Variants in GSE1 observed in about 807,000 individuals in gnomAD.
The protein encoded by GSE1 is Gse1 coiled-coil protein, also known as genetic suppressor element 1.
In GSE1, 32 loss-of-function variants were observed where a neutral mutation model predicts 112.6. The observed-to-expected ratio is 0.28, with a 90% CI of 0.21 to 0.38. The LOEUF is 0.38. Ranked by LOEUF, GSE1 falls within the 10% of genes least tolerant of loss-of-function variation. The pLI is 1.00. For synonymous variants in GSE1, 1,115 were observed against 735.6 expected (o/e 1.52, Z -8.35); for missense variants, 2,348 against 1,699.2 (o/e 1.38, Z -6.71).
chr16:85,656,142 G>T (rs765265994), intron 6 of GSE1, among the ~76,000 whole-genome samples: 1 of 152,144 alleles, frequency 6.6e-6, no homozygotes, highest in East Asian at 1.9e-4. Context: ...AGGAGCTCTC[G>T]GGCGTGCTTG....
At chr16:85,264,345 T>G (rs1413461436) in intron 1 of GSE1, among the ~76,000 whole-genome samples, 2 of 152,098 alleles carry the variant, frequency 1.3e-5, no homozygotes, top group African/African-American at 4.8e-5. Context: ...TCAGATGGGC[T>G]TGGGGGACCG....
chr16:85,253,154 G>A (rs1333649752), intron 1 of GSE1, among the ~76,000 whole-genome samples: 3 of 149,164 alleles, frequency 2.0e-5, no homozygotes, highest in African/African-American at 4.9e-5. Context: ...TATGCCACGC[G>A]GGAATGAGCT....
Position 85,362,191 on chromosome 16 carries a change from C to T in GSE1, c.2464+4548C>T, listed in dbSNP as rs928526839. On this transcript the variant is annotated intron_variant, in intron 2 of 2. Transcript: ENST00000637419. ...TCAGCTGCCGGGAGAAGGGTGCAAC[C>T]GAAACCTTGTGATGGATGTCCTTCC... Among the ~76,000 whole-genome samples, 10 of 152,214 alleles carry T rather than the reference C, an allele frequency of 6.6e-5. No individual in the cohort carries two copies. In the East Asian group the frequency reaches 1.2e-3, roughly 18 times the overall value.
chr16:85,582,982 G>A (rs1412163979), intron 1 of GSE1, among the ~76,000 whole-genome samples: 1 of 152,208 alleles, frequency 6.6e-6, no homozygotes, highest in East Asian at 1.9e-4. Flanking sequence ...AGCCACACAT[G>A]CGTGCTTGAG....
intron 1 of GSE1, among the ~76,000 whole-genome samples, chr16:85,174,336 A>G (rs2074417652): frequency 6.6e-6 from 1 of 152,242 alleles, no homozygotes; most frequent in African/African-American, 2.4e-5. Context: ...CTCAGGGCCC[A>G]GAGGTGGCAG....
chr16:85,439,690 A>T (rs963591888), intron 2 of GSE1, among the ~76,000 whole-genome samples: 1 of 152,166 alleles, frequency 6.6e-6, no homozygotes, highest in African/African-American at 2.4e-5. Context: ...GCATGTGCAC[A>T]CACATACATG....
At chr16:85,515,340 C>A (rs370091751) in intron 2 of GSE1, among the ~76,000 whole-genome samples, 3 of 152,246 alleles carry the variant, frequency 2.0e-5, no homozygotes, top group East Asian at 3.9e-4. Flanking sequence ...GAGGCTCCTC[C>A]TGCCAGCCTC....
intron 1 of GSE1, among the ~76,000 whole-genome samples, chr16:85,245,715 A>G (rs1905571446): frequency 6.6e-6 from 1 of 152,158 alleles, no homozygotes; most frequent in Non-Finnish European, 1.5e-5. Flanking sequence ...CCTTTAATAG[A>G]AAAAAAGTGT....
chr16:85,370,041 A>G (rs891110199), intron 2 of GSE1, among the ~76,000 whole-genome samples: 4 of 152,104 alleles, frequency 2.6e-5, no homozygotes, highest in Non-Finnish European at 5.9e-5. Flanking sequence ...TAGAGCTGGG[A>G]GGGCAGCCCT....
intron 1 of GSE1, among the ~76,000 whole-genome samples, chr16:85,586,645 C>A (rs1039850108): frequency 2.6e-5 from 4 of 152,230 alleles, no homozygotes; most frequent in South Asian, 2.1e-4. Context: ...CCCCGCGCCC[C>A]CCCGACTGCC....
At chr16:85,401,091 G>C (rs2048104397) in intron 2 of GSE1, among the ~76,000 whole-genome samples, 1 of 152,152 alleles carries the variant, frequency 6.6e-6, no homozygotes, top group African/African-American at 2.4e-5. Flanking sequence ...CAGCGGATAT[G>C]GTGCTGGGGT....
chr16:85,478,029 C>T (rs2050515763), intron 2 of GSE1, among the ~76,000 whole-genome samples: 1 of 152,180 alleles, frequency 6.6e-6, no homozygotes, highest in South Asian at 2.1e-4. Flanking sequence ...CTCCGCGCTC[C>T]TCATTTCTGC....
intron 2 of GSE1, among the ~76,000 whole-genome samples, chr16:85,545,825 C>T (rs1007153938): frequency 2.4e-4 from 36 of 152,298 alleles, no homozygotes; most frequent in African/African-American, 7.9e-4. Flanking sequence ...CACTGTCGCC[C>T]AGGCTGGAGT....
chr16:85,482,955 A>G (rs573823111), intron 2 of GSE1, among the ~76,000 whole-genome samples: 26 of 147,320 alleles, frequency 1.8e-4, no homozygotes, highest in Non-Finnish European at 3.3e-4. Context: ...TCCAGCCAGG[A>G]TGACAGAGTG....
At chr16:85,275,488 T>C (rs1378794437) in intron 1 of GSE1, among the ~76,000 whole-genome samples, 1 of 151,950 alleles carries the variant, frequency 6.6e-6, no homozygotes, top group African/African-American at 2.4e-5. Flanking sequence ...TCGGTGCGAG[T>C]CTCAGACCTG....
chr16:85,233,953 G>A (rs1419714656), intron 1 of GSE1, among the ~76,000 whole-genome samples: 1 of 152,144 alleles, frequency 6.6e-6, no homozygotes, highest in Non-Finnish European at 1.5e-5. Context: ...CAGGAGCACA[G>A]AAGGCGGCTC....
chr16:85,472,319 G>T (rs4783213), intron 2 of GSE1, among the ~76,000 whole-genome samples: 125,182 of 152,166 alleles, frequency 0.82, 51,781 homozygotes, highest in East Asian at 0.98. Context: ...CTGGAGGCCT[G>T]GGGGGAGGAA....
At chr16:85,181,950 C>T (rs991655055) in intron 1 of GSE1, among the ~76,000 whole-genome samples, 2 of 152,234 alleles carry the variant, frequency 1.3e-5, no homozygotes, top group African/African-American at 4.8e-5. Context: ...TGCCCTTGCC[C>T]TTTGAGACGG....
chr16:85,641,062 C>T (rs1287177603), intron 2 of GSE1, among the ~76,000 whole-genome samples: 1 of 152,230 alleles, frequency 6.6e-6, no homozygotes, highest in Admixed American at 6.5e-5. Flanking sequence ...CCTTTGGGGG[C>T]CTGTCCTGGG....
Sources: gnomAD v4.1 joint callset for allele counts (sites outside exome capture counted in the v4.1 genomes callset) on GRCh38, gnomAD v4.1.1 for gene constraint, MANE v1.5 for transcripts, NCBI Gene and HGNC (gene_info 2026-07-23, HGNC 2026-07-21) for gene names.